Variants in IMMT observed in about 807,000 individuals in gnomAD.
IMMT encodes the protein MICOS complex subunit MIC60.
A neutral mutation model predicts 92.7 loss-of-function variants in IMMT; 40 were observed. That is an observed-to-expected ratio of 0.43 (90% CI 0.34 to 0.56). IMMT has a LOEUF of 0.56. Among genes scored for constraint, IMMT ranks in the 20% least tolerant of loss-of-function variants. IMMT has a pLI of 0.03. For synonymous variants in IMMT, 322 were observed against 336.1 expected (o/e 0.96, Z 0.46); for missense variants, 831 against 912.1 (o/e 0.91, Z 1.14).
chr2:86,173,528 C>T lies in IMMT; in HGVS notation c.421+122G>A, dbSNP rs866797669. On this transcript the variant is annotated intron_variant, in intron 4 of 14. Coordinates refer to ENST00000410111, the MANE Select transcript of IMMT (RefSeq NM_006839.3). Reference sequence around the variant, plus strand: ...CTGGGAGGTGGAGGCTGCGGTGAGCCGAGATTGTGCCACTGCACTCCAGCC... The same window carrying T: ...CTGGGAGGTGGAGGCTGCGGTGAGCTGAGATTGTGCCACTGCACTCCAGCC... The T allele has an allele frequency of 5.7e-5, 36 of 636,646 alleles. No individual in the cohort carries two copies. In the Middle Eastern group the frequency reaches 1.7e-3, roughly 30 times the overall value. 39.4% of individuals were successfully genotyped at this position (636,646 alleles called of 1,614,324 possible).
At chr2:86,153,212 C>A (rs907454373) in intron 11 of IMMT, among the ~76,000 whole-genome samples, 1 of 151,900 alleles carries the variant, frequency 6.6e-6, no homozygotes, top group Middle Eastern at 3.4e-3. Context: ...CTGATGGCTA[C>A]AAAACTGAGT....
chr2:86,158,691 C>T lies in IMMT; in HGVS notation c.1063G>A (p.Val355Ile). 6.2e-7 allele frequency: 1 copy of T among 1,606,316 alleles called. No individual in the cohort carries two copies. The highest frequency in any genetic ancestry group is 8.5e-7 in the Non-Finnish European group (1 of 1,176,080). ...ACCACCAGCTCATGATACTGAGATA[C>T]AACCTTAGCCTCAGACTGAGCTGCT... ...VQAAQSEAKV[V>I]SQYHELVVQA... Residue 355 changes from valine (V) to isoleucine (I), a missense_variant, in exon 10 of 15, where the codon GTA (valine) becomes ATA (isoleucine). By Grantham distance (29) the Val-to-Ile change is conservative. Transcript: ENST00000410111.
Position 86,146,176 on chromosome 2 carries a change from C to G in IMMT, c.1555G>C (p.Glu519Gln). ...AGACGACGAAATTGTAATTCTTGTT[C>G]AGAGAGTTTCTCAGACAGGTTCTGA... ...FEQNLSEKLS[E>Q]QELQFRRLSQ... Residue 519 changes from glutamate (E) to glutamine (Q), a missense_variant, in exon 14 of 15, where the codon GAA (glutamate) becomes CAA (glutamine). Transcript: ENST00000410111. The G allele has an allele frequency of 6.2e-7, 1 of 1,608,186 alleles. No individual in the cohort carries two copies. The highest frequency in any genetic ancestry group is 1.1e-5 in the South Asian group (1 of 90,130).
intron 6 of IMMT, among the ~76,000 whole-genome samples, chr2:86,167,829 T>TA (rs1676821261): frequency 6.7e-6 from 1 of 149,150 alleles, no homozygotes; most frequent in East Asian, 1.9e-4. Flanking sequence ...TAAAAAGTGT[T>TA]TTTTTTTTTC....
At chr2:86,192,456 A>C (rs1673198620) in intron 1 of IMMT, among the ~76,000 whole-genome samples, 1 of 150,942 alleles carries the variant, frequency 6.6e-6, no homozygotes, top group Non-Finnish European at 1.5e-5. Flanking sequence ...AAATCTTTTT[A>C]AATTAAAAAA....
chr2:86,144,964 G>A, intron 14 of IMMT, 83 bp from the exon 15 acceptor site: 1 of 1,438,414 alleles, frequency 7.0e-7, no homozygotes, highest in Non-Finnish European at 9.3e-7. Context: ...CATTCAACAA[G>A]CTACATCTAC....
At chr2:86,175,931 T>G (rs2105324041) in intron 3 of IMMT, among the ~76,000 whole-genome samples, 1 of 152,250 alleles carries the variant, frequency 6.6e-6, no homozygotes, top group Middle Eastern at 3.4e-3. Context: ...AGCATGGCCC[T>G]TGGAACAGTG....
chr2:86,151,063 C>T (rs1397909828), intron 12 of IMMT, among the ~76,000 whole-genome samples: 13 of 152,040 alleles, frequency 8.6e-5, no homozygotes, highest in Admixed American at 4.6e-4. Context: ...ATTACAGGTG[C>T]GAGCCACCAC....
intron 8 of IMMT, among the ~76,000 whole-genome samples, chr2:86,160,767 C>T (rs1299134447): frequency 6.6e-6 from 1 of 152,194 alleles, no homozygotes; most frequent in East Asian, 1.9e-4. Context: ...ACGTGGCATA[C>T]CTATTACATA....
chr2:86,167,175 T>TC (rs1676747267), intron 6 of IMMT, among the ~76,000 whole-genome samples: 1 of 144,866 alleles, frequency 6.9e-6, no homozygotes, highest in Non-Finnish European at 1.5e-5. Flanking sequence ...TACACTTCTT[T>TC]TTTTTTTTTT....
chr2:86,171,592 T>C (rs1048441682), intron 4 of IMMT: 33 of 425,348 alleles, frequency 7.8e-5, no homozygotes, highest in African/African-American at 6.1e-4. Flanking sequence ...CACCTGCATT[T>C]TAACCATCAT....
chr2:86,148,163 C>G (rs543010596), intron 12 of IMMT, among the ~76,000 whole-genome samples: 20 of 152,312 alleles, frequency 1.3e-4, no homozygotes, highest in Middle Eastern at 3.4e-3. Context: ...TGAGAAATAA[C>G]TAAATCCAGG....
At chr2:86,186,436 G>A (rs973179315) in intron 1 of IMMT, among the ~76,000 whole-genome samples, 2 of 152,168 alleles carry the variant, frequency 1.3e-5, no homozygotes, top group African/African-American at 4.8e-5. Flanking sequence ...ACAAGGGCAG[G>A]CCTTTGTTAC....
intron 10 of IMMT, among the ~76,000 whole-genome samples, chr2:86,157,891 T>A (rs1573895043): frequency 6.6e-6 from 1 of 150,406 alleles, no homozygotes; most frequent in African/African-American, 2.4e-5. Context: ...GGCAGGAGGA[T>A]CGCTTCAACC....
chr2:86,159,298 T>C, intron 9 of IMMT: 1 of 543,626 alleles, frequency 1.8e-6, no homozygotes, highest in Non-Finnish European at 3.3e-6. Flanking sequence ...TTGCCCAGGC[T>C]GGTCTCAAAC....
intron 3 of IMMT, among the ~76,000 whole-genome samples, chr2:86,177,889 C>G (rs1386958700): frequency 5.9e-5 from 9 of 152,180 alleles, no homozygotes; most frequent in African/African-American, 1.9e-4. Context: ...CCATGGTTAC[C>G]TCTACCCAAG....
chr2:86,183,130 T>A (rs1212913848), intron 1 of IMMT, among the ~76,000 whole-genome samples: 4 of 152,200 alleles, frequency 2.6e-5, no homozygotes, highest in African/African-American at 9.7e-5. Flanking sequence ...GCATTTTTTA[T>A]CTGTCTAGGT....
chr2:86,161,670 C>A (rs1481276791), intron 8 of IMMT, among the ~76,000 whole-genome samples: 1 of 151,910 alleles, frequency 6.6e-6, no homozygotes, highest in Non-Finnish European at 1.5e-5. Flanking sequence ...CCCGCCACCA[C>A]GCCCAGCTAA....
At chr2:86,159,398 T>A (rs1430212928) in intron 9 of IMMT, 138 bp downstream of exon 9, 5 of 834,442 alleles carry the variant, frequency 6.0e-6, no homozygotes, top group Non-Finnish European at 9.8e-6. Flanking sequence ...GCAAATTTTT[T>A]AAAACAGTAA....
Sources: allele counts gnomAD v4.1 joint callset (sites outside exome capture counted in the v4.1 genomes callset), GRCh38; gene constraint gnomAD v4.1.1; transcripts MANE v1.5; gene names NCBI Gene and HGNC (gene_info 2026-07-23, HGNC 2026-07-21).